Variants in RBFOX1 observed in about 807,000 individuals in gnomAD.
RBFOX1 encodes the protein RNA binding fox-1 homolog 1.
RBFOX1 carries 8 observed loss-of-function variants against 57.7 expected under a neutral mutation model. That is an observed-to-expected ratio of 0.14 (90% CI 0.08 to 0.25). RBFOX1 has a LOEUF of 0.25. RBFOX1 is among the 10% of genes least tolerant of loss of function. The probability of loss-of-function intolerance (pLI) is 1.00; values close to 1 mark genes in which losing one functional copy is unlikely to be tolerated. For synonymous variants in RBFOX1, 326 were observed against 222.4 expected (o/e 1.47, Z -4.15); for missense variants, 611 against 548.5 (o/e 1.11, Z -1.14).
chr16:7,187,691 A>AG (rs1491124105), intron 4 of RBFOX1, among the ~76,000 whole-genome samples: 12 of 5,696 alleles, frequency 2.1e-3, no homozygotes, highest in African/African-American at 6.1e-3. Context: ...TCTGTCTCAC[A>AG]AAAAAAAAAA....
chr16:5,833,512 A>AAAAAAAAAG (rs1379160773), intron 3 of RBFOX1, among the ~76,000 whole-genome samples: 1 of 150,980 alleles, frequency 6.6e-6, no homozygotes, highest in African/African-American at 2.5e-5. Context: ...AAAAAAAAAA[A>AAAAAAAAAG]AAAGAAAGAA....
intron 1 of RBFOX1, among the ~76,000 whole-genome samples, chr16:5,423,517 G>T (rs1181207279): frequency 1.3e-5 from 2 of 152,178 alleles, no homozygotes; most frequent in Admixed American, 1.3e-4. Context: ...CTGTCTCATG[G>T]TGAAGGGGCC....
At chr16:6,407,051 CACA>C (rs1410999869) in intron 2 of RBFOX1, among the ~76,000 whole-genome samples, 3 of 152,092 alleles carry the variant, frequency 2.0e-5, no homozygotes, top group Non-Finnish European at 4.4e-5. Flanking sequence ...TGCATTATTT[CACA>C]ACAACATGGT....
chr16:6,852,140 G>T (rs535752266), intron 3 of RBFOX1, among the ~76,000 whole-genome samples: 20 of 152,074 alleles, frequency 1.3e-4, no homozygotes, highest in African/African-American at 4.8e-4. Context: ...TAACAGTTTT[G>T]GTGATCTGAT....
At chr16:5,271,654 C>T (rs2063011459) in intron 1 of RBFOX1, among the ~76,000 whole-genome samples, 1 of 152,222 alleles carries the variant, frequency 6.6e-6, no homozygotes. Flanking sequence ...CCCTGCTCTA[C>T]AGTGAGGAAC....
intron 1 of RBFOX1, chr16:5,366,472 A>G (rs2065718882): frequency 6.8e-6 from 3 of 440,096 alleles, no homozygotes; most frequent in South Asian, 5.4e-5. Context: ...ACCAAGATCA[A>G]AAGGGCAAGA....
At chr16:7,367,116 G>T (rs569441831) in intron 4 of RBFOX1, among the ~76,000 whole-genome samples, 1 of 151,822 alleles carries the variant, frequency 6.6e-6, no homozygotes, top group East Asian at 1.9e-4. Context: ...AATACTGCCG[G>T]TGAGCCCATT....
intron 3 of RBFOX1, among the ~76,000 whole-genome samples, chr16:7,036,689 T>A (rs1420186424): frequency 6.1e-5 from 9 of 148,148 alleles, no homozygotes; most frequent in African/African-American, 2.0e-4. Flanking sequence ...CAAAACTCCG[T>A]CTCAAAAACA....
intron 1 of RBFOX1, among the ~76,000 whole-genome samples, chr16:5,246,987 G>C (rs2062318074): frequency 6.6e-6 from 1 of 152,164 alleles, no homozygotes; most frequent in South Asian, 2.1e-4. Flanking sequence ...AACGTTTTTA[G>C]ATTCCACATA....
chr16:6,907,960 C>T (rs2070495784), intron 3 of RBFOX1, among the ~76,000 whole-genome samples: 1 of 151,660 alleles, frequency 6.6e-6, no homozygotes, highest in Non-Finnish European at 1.5e-5. Flanking sequence ...ACATAGAGTT[C>T]TCCCCGTGAG....
chr16:6,405,736 A>T (rs2093257112), intron 2 of RBFOX1, among the ~76,000 whole-genome samples: 1 of 152,178 alleles, frequency 6.6e-6, no homozygotes, highest in Admixed American at 6.5e-5. Context: ...GAACAGCTGG[A>T]GTCATTGATT....
intron 3 of RBFOX1, among the ~76,000 whole-genome samples, chr16:6,767,376 C>G (rs554984433): frequency 2.6e-5 from 4 of 152,200 alleles, no homozygotes; most frequent in African/African-American, 9.6e-5. Context: ...TGGCCAACCT[C>G]CTAGAAAGAC....
intron 3 of RBFOX1, among the ~76,000 whole-genome samples, chr16:6,991,165 C>T (rs978412007): frequency 2.7e-5 from 3 of 110,752 alleles, no homozygotes; most frequent in Admixed American, 1.8e-4. Flanking sequence ...AAAAAAAAGA[C>T]ACGGTGGCGT....
intron 4 of RBFOX1, among the ~76,000 whole-genome samples, chr16:5,937,452 G>A (rs567618951): frequency 2.6e-5 from 4 of 152,110 alleles, no homozygotes; most frequent in Non-Finnish European, 5.9e-5. Context: ...GTTTGGGAGA[G>A]TTAAAGAAAA....
intron 1 of RBFOX1, among the ~76,000 whole-genome samples, chr16:6,125,573 G>A (rs1188854895): frequency 1.3e-5 from 2 of 152,170 alleles, no homozygotes; most frequent in African/African-American, 4.8e-5. Flanking sequence ...CTTCTCATTG[G>A]TCAAGGATTA....
intron 4 of RBFOX1, among the ~76,000 whole-genome samples, chr16:7,057,913 CAGG>C (rs1328907089): frequency 1.4e-5 from 2 of 147,878 alleles, no homozygotes; most frequent in African/African-American, 2.5e-5. Context: ...GAGGCTGAGG[CAGG>C]AGAATTGCTT....
At chr16:7,076,166 C>G (rs777431713) in intron 4 of RBFOX1, among the ~76,000 whole-genome samples, 21 of 151,550 alleles carry the variant, frequency 1.4e-4, no homozygotes, top group Non-Finnish European at 2.1e-4. Context: ...CTCAGCCTCT[C>G]GAGTACCTAG....
intron 3 of RBFOX1, among the ~76,000 whole-genome samples, chr16:5,725,118 T>A (rs537572749): frequency 7.0e-4 from 106 of 152,268 alleles, no homozygotes; most frequent in African/African-American, 2.3e-3. Context: ...AATAAAATAT[T>A]TGGGGAATCC....
At chr16:6,300,270 C>T (rs920232529) in intron 1 of RBFOX1, among the ~76,000 whole-genome samples, 2 of 152,050 alleles carry the variant, frequency 1.3e-5, no homozygotes, top group Non-Finnish European at 2.9e-5. Context: ...ACCTATGGTA[C>T]AACTATAGTT....
Sources: gnomAD v4.1 joint callset for allele counts (sites outside exome capture counted in the v4.1 genomes callset) on GRCh38, gnomAD v4.1.1 for gene constraint, MANE v1.5 for transcripts, NCBI Gene and HGNC (gene_info 2026-07-23, HGNC 2026-07-21) for gene names.